The following GJD4 variants were observed in gnomAD, a reference collection of about 807,000 sequenced individuals.
GJD4 encodes the protein gap junction delta-4 protein.
Under a neutral mutation model 17.9 loss-of-function variants are expected in GJD4, and 18 were observed. The observed-to-expected ratio is 1.00, with a 90% CI of 0.69 to 1.49. The LOEUF (loss-of-function observed/expected upper bound fraction) is 1.49. GJD4 is among the 40% of genes most tolerant of loss of function. The probability of loss-of-function intolerance (pLI) is 0.00; values close to 1 mark genes in which losing one functional copy is unlikely to be tolerated. For synonymous variants in GJD4, 293 were observed against 236.8 expected, an observed-to-expected ratio of 1.24 and a Z score of -2.18; for missense variants, 639 against 506.9, an observed-to-expected ratio of 1.26 and a Z score of -2.50.
At position 35,608,223 on chromosome 10, in the gene GJD4, G is replaced by A. The variant is rs535200408; in HGVS notation, c.710G>A (p.Arg237Gln). 1.9e-6 allele frequency: 3 copies of A among 1,588,024 alleles called. No homozygotes were observed. Among genetic ancestry groups the A allele is most frequent in the African/African-American group, 2.7e-5 (2 of 74,668 alleles). The change falls in exon 2 of 2, where the codon CGG becomes CAG. Residue 237 changes from arginine (R) to glutamine (Q), a missense_variant. By Grantham distance (43) the Arg-to-Gln change is conservative. Coordinates refer to ENST00000321660, the MANE Select transcript of GJD4 (RefSeq NM_153368.3). ...GGACCCCCCACAAGCCCCTCCATCC[G>A]GAAGCAGAGCGGAGCCTCAGGCCAC... is the stretch of plus-strand genomic sequence containing the variant. Reference protein sequence around the residue: ...RPGPPTSPSIRKQSGASGHAE... With the variant: ...RPGPPTSPSIQKQSGASGHAE...
At chr10:35,607,296 A>T in intron 1 of GJD4, 3 of 438,676 alleles carry the variant, frequency 6.8e-6, no homozygotes, top group Non-Finnish European at 8.2e-6. Flanking sequence ...CTGTGAGTAA[A>T]GACAAGCTGA....
At chr10:35,605,761 A>C in intron 1 of GJD4, 130 bp downstream of exon 1, 1 of 705,976 alleles carries the variant, frequency 1.4e-6, no homozygotes, top group Non-Finnish European at 2.5e-6. Flanking sequence ...AAGTCCACCC[A>C]CTCCCAAAAG....
chr10:35,607,258 A>G (rs1835466637), intron 1 of GJD4: 1 of 328,226 alleles, frequency 3.0e-6, no homozygotes, highest in African/African-American at 2.3e-5. Flanking sequence ...AGTGCTCAGT[A>G]AATATTTGTC....
chr10:35,605,535 C>T lies in GJD4; in HGVS notation c.-33C>T, dbSNP rs1341170145. The stretch of plus-strand genomic sequence containing the variant: ...TGGAGAACACAGCCCTCCAGTGTCT[C>T]CTGCAGCCTGGAGCCTGGGACATTC... On this transcript the variant is annotated 5_prime_UTR_variant, in exon 1 of 2. Coordinates refer to ENST00000321660, the MANE Select transcript of GJD4 (RefSeq NM_153368.3). 6.3e-7 allele frequency: 1 copy of T among 1,584,100 alleles called. No individual in the cohort carries two copies. Among genetic ancestry groups the T allele is most frequent in the East Asian group, 2.2e-5 (1 of 44,762 alleles).
Position 35,607,968 on chromosome 10 carries a change from T to A in GJD4, c.455T>A (p.Leu152Gln). Residue 152 changes from leucine to glutamine, a missense_variant, in exon 2 of 2, where the codon CTG becomes CAG. Coordinates refer to ENST00000321660, the MANE Select transcript of GJD4 (RefSeq NM_153368.3). Reference sequence around the variant, plus strand: ...ATCATCCACCTCCTCCTCCGGACCCTGCTGGAGGCAGCCTTCGGGGCCTTG... The same window carrying A: ...ATCATCCACCTCCTCCTCCGGACCCAGCTGGAGGCAGCCTTCGGGGCCTTG... Reference protein sequence around the residue: ...GYIIHLLLRTLLEAAFGALHY... With the variant: ...GYIIHLLLRTQLEAAFGALHY... 1.2e-6 allele frequency: 2 copies of A among 1,611,818 alleles called. No homozygotes were observed. Among genetic ancestry groups the A allele is most frequent in the Non-Finnish European group, 1.7e-6 (2 of 1,179,622 alleles).
At position 35,607,756 on chromosome 10, in the gene GJD4, G is replaced by A. The variant is rs754242917; in HGVS notation, c.243G>A (p.Gln81=). 3 of 1,612,318 alleles carry A rather than the reference G, an allele frequency of 1.9e-6. No homozygotes were observed. The South Asian group carries it at 3.3e-5, about 18-fold the overall frequency. The change falls in exon 2 of 2, where the codon CAG becomes CAA. Residue 81 remains glutamine, a synonymous_variant. Coordinates refer to ENST00000321660, the MANE Select transcript of GJD4 (RefSeq NM_153368.3). ...PVSHLRFWLI[Q]GVCVLLPSAV... is the part of the protein sequence containing the mutation. Reference sequence around the variant, plus strand: ...CTCACCTGCGGTTCTGGCTGATCCAGGGCGTGTGCGTCCTCCTCCCCTCCG... The same window carrying A: ...CTCACCTGCGGTTCTGGCTGATCCAAGGCGTGTGCGTCCTCCTCCCCTCCG...
In GJD4 at chr10:35,605,466, C is replaced by T; in HGVS notation, c.-102C>T. 3.3e-6 allele frequency: 3 copies of T among 922,706 alleles called. No individual in the cohort carries two copies. Among genetic ancestry groups the T allele is most frequent in the South Asian group, 1.4e-5 (1 of 74,026 alleles). The allele number at this position is 922,706 out of a possible 1,614,324, so 57.2% of individuals were successfully genotyped here. On this transcript the variant is annotated 5_prime_UTR_variant, in exon 1 of 2. Coordinates refer to ENST00000321660, the MANE Select transcript of GJD4 (RefSeq NM_153368.3). ...CCTTTGCTTTCTTATCTCCAGCTCACACCTTTAAGTCTTATGTAGTTAAAG... is the reference window on the plus strand; with the variant it reads ...CCTTTGCTTTCTTATCTCCAGCTCATACCTTTAAGTCTTATGTAGTTAAAG...
Position 35,608,124 on chromosome 10 carries a change from T to C in GJD4, c.611T>C (p.Val204Ala), listed in dbSNP as rs749323803. Residue 204 changes from valine (V) to alanine (A), a missense_variant, in exon 2 of 2, where the codon GTC (valine) becomes GCC (alanine). Coordinates refer to ENST00000321660, the MANE Select transcript of GJD4 (RefSeq NM_153368.3). ...CTGCTGATGCTGTTCCTCTGGGCGG[T>C]CAGCGCGCTGTCTTTTCTGCTGGGC... ...KSLLMLFLWA[V>A]SALSFLLGLA... The C allele has an allele frequency of 1.6e-5, 26 of 1,609,146 alleles. No individual in the cohort carries two copies. The East Asian group carries it at 5.8e-4, about 36-fold the overall frequency.
At position 35,608,621 on chromosome 10, in the gene GJD4, G is replaced by A; in HGVS notation, c.1108G>A (p.Val370Met). The A allele has an allele frequency of 6.7e-7, 1 of 1,489,544 alleles. No individual in the cohort carries two copies. The highest frequency in any genetic ancestry group is 8.9e-7 in the Non-Finnish European group (1 of 1,122,484). The allele number at this position is 1,489,544 out of a possible 1,614,324, so 92.3% of individuals were successfully genotyped here. A position where few individuals can be genotyped will look rare whatever the true frequency, so the allele number is the denominator to read the frequency against. The change falls in exon 2 of 2, where the codon GTG becomes ATG. Residue 370 changes from valine (V) to methionine (M), a missense_variant. Coordinates refer to ENST00000321660, the MANE Select transcript of GJD4 (RefSeq NM_153368.3). ...PHLRARKSEW[V>M] is the part of the protein sequence containing the mutation. Reference sequence around the variant, plus strand: ...CCTGAGAGCCAGGAAGTCTGAGTGGGTGTGAAAAAAACAGCACCTGGCGGT... The same window carrying A: ...CCTGAGAGCCAGGAAGTCTGAGTGGATGTGAAAAAAACAGCACCTGGCGGT...
In GJD4 at chr10:35,605,531, G is replaced by T. The variant is rs372365209; in HGVS notation, c.-37G>T. The T allele has an allele frequency of 6.4e-7, 1 of 1,561,690 alleles. No homozygotes were observed. The highest frequency in any genetic ancestry group is 1.3e-5 in the African/African-American group (1 of 74,106). On this transcript the variant is annotated 5_prime_UTR_variant, in exon 1 of 2. Coordinates refer to ENST00000321660, the MANE Select transcript of GJD4 (RefSeq NM_153368.3). ...TCCTTGGAGAACACAGCCCTCCAGT[G>T]TCTCCTGCAGCCTGGAGCCTGGGAC...
rs201813002 is a variant in GJD4 at position 35,607,871 on chromosome 10, G to A, written c.358G>A (p.Gly120Arg). ...CCCCGACCCCCGGGAGCCGGCCTCC[G>A]GGCAGAGACGCTGCCCGCGGCCATT... Reference protein sequence around the residue: ...RCPDPREPASGQRRCPRPFGE... With the variant: ...RCPDPREPASRQRRCPRPFGE... The change falls in exon 2 of 2, where the codon GGG (glycine) becomes AGG (arginine). Residue 120 changes from glycine to arginine, a missense_variant. Physicochemically the swap from Gly to Arg is moderately radical, Grantham distance 125. Transcript: ENST00000321660. The A allele has an allele frequency of 2.9e-5, 46 of 1,595,528 alleles. No homozygotes were observed. Among genetic ancestry groups the A allele is most frequent in the Non-Finnish European group, 3.9e-5 (46 of 1,176,100 alleles).
At chr10:35,607,056 G>A (rs773373386) in intron 1 of GJD4, 2 of 153,916 alleles carry the variant, frequency 1.3e-5, no homozygotes, top group Non-Finnish European at 2.9e-5. Context: ...TCTTTTAAAA[G>A]GCTTATTCTC....
chr10:35,607,617 TG>T lies in GJD4; in HGVS notation c.106del (p.Val36Ter). 6.2e-7 allele frequency: 1 copy of T among 1,614,208 alleles called. No homozygotes were observed. Among genetic ancestry groups the T allele is most frequent in the Non-Finnish European group, 8.5e-7 (1 of 1,180,034 alleles). Reference sequence around the variant, plus strand: ...GTCCTCACGATGCTGCTGCGGATGCTGGTGATTGTCTTGGCGGGGCGACCCG... The same window carrying T: ...GTCCTCACGATGCTGCTGCGGATGCTGTGATTGTCTTGGCGGGGCGACCCG... ...WFVLTMLLRM[L>X]VIVLAGRPVY... On this transcript the variant is annotated frameshift_variant, in exon 2 of 2. Coordinates refer to ENST00000321660, the MANE Select transcript of GJD4 (RefSeq NM_153368.3). LOFTEE classifies it low-confidence loss of function (END_TRUNC).
rs1029646850 is a variant in GJD4 at position 35,605,348 on chromosome 10, G to A, written c.-220G>A. On this transcript the variant is annotated 5_prime_UTR_variant, in exon 1 of 2. Transcript: ENST00000321660. ...ACTGCTGCTTGCTCTGCTGGTCACT[G>A]CAGTTGTCAGGAATGTTTCGCCTCA... The A allele has an allele frequency of 7.9e-5, 47 of 598,616 alleles. No homozygotes were observed. The highest frequency in any genetic ancestry group is 1.3e-4 in the Non-Finnish European group (45 of 337,376). 37.1% of individuals were successfully genotyped at this position (598,616 alleles called of 1,614,324 possible).
Position 35,608,181 on chromosome 10 carries a change from G to C in GJD4, c.668G>C (p.Arg223Pro), listed in dbSNP as rs780621371. 58 of 1,597,138 alleles carry C rather than the reference G, an allele frequency of 3.6e-5. No individual in the cohort carries two copies. The highest frequency in any genetic ancestry group is 4.9e-5 in the Non-Finnish European group (58 of 1,175,716). Residue 223 changes from arginine (R) to proline (P), a missense_variant, in exon 2 of 2, where the codon CGG becomes CCG. Physicochemically the swap from Arg to Pro is moderately radical, Grantham distance 103. Coordinates refer to ENST00000321660, the MANE Select transcript of GJD4 (RefSeq NM_153368.3). ...GACCTGGTCTGCAGCCTGCGGCGGCGGATGCGCAGGAGGCCGGGACCCCCC... is the reference window on the plus strand; with the variant it reads ...GACCTGGTCTGCAGCCTGCGGCGGCCGATGCGCAGGAGGCCGGGACCCCCC... ...LADLVCSLRR[R>P]MRRRPGPPTS...
intron 1 of GJD4, chr10:35,606,818 A>G (rs1015925319): frequency 6.6e-6 from 1 of 152,236 alleles, no homozygotes; most frequent in Non-Finnish European, 1.5e-5. Flanking sequence ...GATACATTGA[A>G]GAAAGACAAG....
In GJD4 at chr10:35,608,859, G is replaced by A. The variant is rs1161195974; in HGVS notation, c.*233G>A. 3 of 417,062 alleles carry A rather than the reference G, an allele frequency of 7.2e-6. No individual in the cohort carries two copies. Among genetic ancestry groups the A allele is most frequent in the African/African-American group, 6.4e-5 (3 of 47,118 alleles). The allele number at this position is 417,062 out of a possible 1,614,324, so 25.8% of individuals were successfully genotyped here. Reference sequence around the variant, plus strand: ...AGGCTGAGATGGGAGGACCATTTGAGCCTGGGAGATCGAGGCTGCAGTGAG... The same window carrying A: ...AGGCTGAGATGGGAGGACCATTTGAACCTGGGAGATCGAGGCTGCAGTGAG... On this transcript the variant is annotated 3_prime_UTR_variant, in exon 2 of 2. Transcript: ENST00000321660.
rs747657692 is a variant in GJD4, at chr10:35,607,780, C to T, written c.267C>T (p.Ser89=). 3 of 1,608,160 alleles carry T rather than the reference C, an allele frequency of 1.9e-6. No homozygotes were observed. Among genetic ancestry groups the T allele is most frequent in the Admixed American group, 1.7e-5 (1 of 60,024 alleles). Residue 89 remains serine, a synonymous_variant, in exon 2 of 2, where the codon TCC becomes TCT. Transcript: ENST00000321660. ...AGGGCGTGTGCGTCCTCCTCCCCTC[C>T]GCCGTCTTCAGCGTCTATGTCCTGC... ...LIQGVCVLLP[S]AVFSVYVLHR... is the part of the protein sequence containing the mutation.
intron 1 of GJD4, 46 bp from the exon 2 acceptor site, chr10:35,607,532 C>A (rs1240429738): frequency 3.1e-6 from 4 of 1,294,962 alleles, no homozygotes; most frequent in Admixed American, 1.8e-5. Context: ...TTACTCAGGG[C>A]AGTGTATTCG....
Sources: allele counts gnomAD v4.1 joint callset, GRCh38; gene constraint gnomAD v4.1.1; transcripts MANE v1.5; gene names NCBI Gene and HGNC (gene_info 2026-07-23, HGNC 2026-07-21).